ARIH1: variants seen among roughly 807,000 people sequenced by gnomAD.
ARIH1 encodes ariadne RBR E3 ubiquitin protein ligase 1.
Under a neutral mutation model 85.0 loss-of-function variants are expected in ARIH1, and 8 were observed. That is an observed-to-expected ratio of 0.09 (90% CI 0.06 to 0.17). ARIH1 has a LOEUF of 0.17. ARIH1 is among the 10% of genes least tolerant of loss of function. The pLI, the probability that ARIH1 is intolerant of heterozygous loss-of-function variation, is 1.00. For missense variants in ARIH1, 311 were observed against 718.1 expected, an observed-to-expected ratio of 0.43 and a Z score of 6.48; for synonymous variants, 238 against 253.6, an observed-to-expected ratio of 0.94 and a Z score of 0.59.
At chr15:72,475,035 A>G (rs910210436) in intron 1 of ARIH1, 21 bp downstream of exon 1, 2 of 1,549,030 alleles carry the variant, frequency 1.3e-6, no homozygotes, top group Middle Eastern at 1.7e-4. Context: ...CCGCCGCGCC[A>G]GCTGGACCGG....
intron 2 of ARIH1, among the ~76,000 whole-genome samples, chr15:72,530,351 CTA>C (rs1311199731): frequency 1.3e-5 from 2 of 152,148 alleles, no homozygotes; most frequent in Non-Finnish European, 2.9e-5. Context: ...GAAGAGGTAG[CTA>C]AGAGACTTAG....
intron 1 of ARIH1, among the ~76,000 whole-genome samples, chr15:72,493,272 G>A (rs12905456): frequency 2.6e-5 from 4 of 152,070 alleles, no homozygotes; most frequent in Non-Finnish European, 4.4e-5. Flanking sequence ...CACTTTTTGG[G>A]GGGGGAGGTC....
chr15:72,500,531 A>G (rs1267131530), intron 1 of ARIH1, among the ~76,000 whole-genome samples: 1 of 152,148 alleles, frequency 6.6e-6, no homozygotes, highest in African/African-American at 2.4e-5. Context: ...TTGGGGAATT[A>G]ACTTCTGTTA....
At chr15:72,511,922 T>A (rs1005911028) in intron 1 of ARIH1, among the ~76,000 whole-genome samples, 3 of 151,528 alleles carry the variant, frequency 2.0e-5, no homozygotes, top group South Asian at 2.1e-4. Context: ...TTTATTTATA[T>A]CCTATCCTGT....
chr15:72,506,192 A>G (rs1312847380), intron 1 of ARIH1, among the ~76,000 whole-genome samples: 3 of 151,990 alleles, frequency 2.0e-5, no homozygotes, highest in African/African-American at 7.2e-5. Flanking sequence ...ACTAAAAAAT[A>G]CAAAAATATT....
chr15:72,555,434 C>T, intron 4 of ARIH1, 71 bp downstream of exon 4: 1 of 1,106,162 alleles, frequency 9.0e-7, no homozygotes. Flanking sequence ...CACAAATTTG[C>T]ACAAATAAAA....
At chr15:72,539,659 A>G (rs2064098020) in intron 2 of ARIH1, among the ~76,000 whole-genome samples, 1 of 152,180 alleles carries the variant, frequency 6.6e-6, no homozygotes, top group African/African-American at 2.4e-5. Context: ...TCTTGAGGTA[A>G]TTAATATCCA....
chr15:72,548,175 G>A (rs572354189), intron 3 of ARIH1, among the ~76,000 whole-genome samples: 14 of 152,266 alleles, frequency 9.2e-5, no homozygotes, highest in Admixed American at 4.6e-4. Context: ...TATAAGATAC[G>A]ATACTGTGGG....
intron 1 of ARIH1, among the ~76,000 whole-genome samples, chr15:72,503,212 C>G (rs1239393479): frequency 6.6e-6 from 1 of 152,138 alleles, no homozygotes; most frequent in African/African-American, 2.4e-5. Flanking sequence ...ATGTTTTCTT[C>G]GTTTTTGTGG....
rs935610387 is a variant in ARIH1 at position 72,600,490 on chromosome 15, C to T, written c.*17198C>T. 1.3e-5 allele frequency: 2 copies of T among 152,142 alleles called. No individual in the cohort carries two copies. Among genetic ancestry groups the T allele is most frequent in the African/African-American group, 4.8e-5 (2 of 41,420 alleles). The allele number at this position is 152,142 out of a possible 1,614,324, so 9.4% of individuals were successfully genotyped here. A position where few individuals can be genotyped will look rare whatever the true frequency, so the allele number is the denominator to read the frequency against. On this transcript the variant is annotated 3_prime_UTR_variant, in exon 14 of 14. Coordinates refer to ENST00000379887, the MANE Select transcript of ARIH1 (RefSeq NM_005744.5). ...CCTTGAGCTCCTGGGCTCAGGAGAG[C>T]CTCTCTCCTCAGTCTCCCAAGTAGC...
At chr15:72,504,187 T>A (rs1213399563) in intron 1 of ARIH1, among the ~76,000 whole-genome samples, 3 of 152,190 alleles carry the variant, frequency 2.0e-5, no homozygotes, top group Non-Finnish European at 4.4e-5. Flanking sequence ...CTTGAATAGC[T>A]GGGATTACAG....
rs932770294 is a variant in ARIH1, at chr15:72,594,166, T to C, written c.*10874T>C. On this transcript the variant is annotated 3_prime_UTR_variant, in exon 14 of 14. Transcript: ENST00000379887. ...TATTTTTGATTTTCTTTTCTTTTTC[T>C]TTTTTTCTTTTTTTTTTTTTGAGAC... is the stretch of plus-strand genomic sequence containing the variant. 1 of 151,182 alleles carries C rather than the reference T, an allele frequency of 6.6e-6. No individual in the cohort carries two copies. Among genetic ancestry groups the C allele is most frequent in the Non-Finnish European group, 1.5e-5 (1 of 67,796 alleles). 9.4% of individuals were successfully genotyped at this position (151,182 alleles called of 1,614,324 possible).
chr15:72,557,176 T>C (rs1424500922), intron 5 of ARIH1, among the ~76,000 whole-genome samples: 2 of 152,170 alleles, frequency 1.3e-5, no homozygotes, highest in African/African-American at 2.4e-5. Context: ...GATGATGTGG[T>C]ACATCATTAC....
rs1011870488 is a variant in ARIH1, at chr15:72,594,336, A to G, written c.*11044A>G. On this transcript the variant is annotated 3_prime_UTR_variant, in exon 14 of 14. Coordinates refer to ENST00000379887, the MANE Select transcript of ARIH1 (RefSeq NM_005744.5). ...AGGCACACACCATCATGCCTGGCTA[A>G]TTTTTGTATTTTTAGTACAGACGGG... The G allele has an allele frequency of 6.6e-6, 1 of 151,806 alleles. No homozygotes were observed. 9.4% of individuals were successfully genotyped at this position (151,806 alleles called of 1,614,324 possible). A position where few individuals can be genotyped will look rare whatever the true frequency, so the allele number is the denominator to read the frequency against.
chr15:72,565,271 A>G (rs377489833), intron 7 of ARIH1, among the ~76,000 whole-genome samples: 3 of 151,880 alleles, frequency 2.0e-5, no homozygotes, highest in Non-Finnish European at 4.4e-5. Flanking sequence ...TTTATTTTTA[A>G]TAGAGACAGC....
intron 1 of ARIH1, among the ~76,000 whole-genome samples, chr15:72,497,379 TA>T (rs2063884209): frequency 6.6e-6 from 1 of 152,216 alleles, no homozygotes; most frequent in South Asian, 2.1e-4. Flanking sequence ...AAATTCTATT[TA>T]AATGTTTGTA....
rs959789167 is a variant in ARIH1 at position 72,594,948 on chromosome 15, CTAAG to C, written c.*11659_*11662del. 1.4e-4 allele frequency: 21 copies of C among 148,830 alleles called. No homozygotes were observed. Among genetic ancestry groups the C allele is most frequent in the African/African-American group, 5.2e-4 (21 of 40,662 alleles). 9.2% of individuals were successfully genotyped at this position (148,830 alleles called of 1,614,324 possible). A position where few individuals can be genotyped will look rare whatever the true frequency, so the allele number is the denominator to read the frequency against. ...GGATAAAGATTTTAATGTTTCATCA[CTAAG>C]TATAATGTTAACTGTAAGTTTTTCA... On this transcript the variant is annotated 3_prime_UTR_variant, in exon 14 of 14. Transcript: ENST00000379887.
rs891061070 is a variant in ARIH1, at chr15:72,595,603, C to T, written c.*12311C>T. On this transcript the variant is annotated 3_prime_UTR_variant, in exon 14 of 14. Transcript: ENST00000379887. The stretch of plus-strand genomic sequence containing the variant: ...CAGCAATCATCCTGCCTCAGCCTCC[C>T]GAGTAGCTGGGACCACAGGTGTGCG... 6 of 152,128 alleles carry T rather than the reference C, an allele frequency of 3.9e-5. No individual in the cohort carries two copies. Among genetic ancestry groups the T allele is most frequent in the African/African-American group, 7.2e-5 (3 of 41,398 alleles). 9.4% of individuals were successfully genotyped at this position (152,128 alleles called of 1,614,324 possible). A position where few individuals can be genotyped will look rare whatever the true frequency, so the allele number is the denominator to read the frequency against.
Position 72,474,349 on chromosome 15 carries a change from G to C in ARIH1, c.-291G>C. On this transcript the variant is annotated 5_prime_UTR_variant, in exon 1 of 14. Transcript: ENST00000379887. Reference sequence around the variant, plus strand: ...TGGCTCAGTAGCGATAGCAGCGGCCGTGGAGGTGGCGTTGGGGACTGTTTT... The same window carrying C: ...TGGCTCAGTAGCGATAGCAGCGGCCCTGGAGGTGGCGTTGGGGACTGTTTT... 2 of 405,812 alleles carry C rather than the reference G, an allele frequency of 4.9e-6. No individual in the cohort carries two copies. Among genetic ancestry groups the C allele is most frequent in the East Asian group, 5.8e-5 (1 of 17,296 alleles). 25.1% of individuals were successfully genotyped at this position (405,812 alleles called of 1,614,324 possible). A position where few individuals can be genotyped will look rare whatever the true frequency, so the allele number is the denominator to read the frequency against.
Sources: gnomAD v4.1 joint callset for allele counts (sites outside exome capture counted in the v4.1 genomes callset) on GRCh38, gnomAD v4.1.1 for gene constraint, MANE v1.5 for transcripts, NCBI Gene and HGNC (gene_info 2026-07-23, HGNC 2026-07-21) for gene names.